The following OSBPL8 variants were observed in gnomAD, a reference collection of about 807,000 sequenced individuals.
OSBPL8 encodes the protein oxysterol binding protein like 8, also known as oxysterol-binding protein-related protein 8.
OSBPL8 carries 59 observed loss-of-function variants against 125.5 expected under a neutral mutation model. That is an observed-to-expected ratio of 0.47 (90% CI 0.38 to 0.58). OSBPL8 has a LOEUF of 0.58. OSBPL8 is among the 20% of genes least tolerant of loss of function. OSBPL8 has a pLI of 0.00. For synonymous variants in OSBPL8, 330 were observed against 338.9 expected, an observed-to-expected ratio of 0.97 and a Z score of 0.29; for missense variants, 758 against 1,047.8, an observed-to-expected ratio of 0.72 and a Z score of 3.82.
chr12:76,392,104 T>C (rs1454753274), intron 10 of OSBPL8, among the ~76,000 whole-genome samples: 1 of 151,382 alleles, frequency 6.6e-6, no homozygotes, highest in African/African-American at 2.4e-5. Context: ...TACAGTTCCA[T>C]TCCAAACAGA....
At chr12:76,504,529 G>A (rs1423178998) in intron 1 of OSBPL8, among the ~76,000 whole-genome samples, 1 of 152,100 alleles carries the variant, frequency 6.6e-6, no homozygotes, top group Non-Finnish European at 1.5e-5. Context: ...TTCTTCTGAT[G>A]GTGAAACTGG....
At chr12:76,361,361 G>A (rs1952197842) in intron 21 of OSBPL8, among the ~76,000 whole-genome samples, 1 of 152,100 alleles carries the variant, frequency 6.6e-6, no homozygotes, top group Non-Finnish European at 1.5e-5. Flanking sequence ...CCTCAGCCTG[G>A]ACCTTGTTTT....
At chr12:76,366,532 T>C (rs1952422546) in intron 21 of OSBPL8, 2 of 414,888 alleles carry the variant, frequency 4.8e-6, no homozygotes, top group Non-Finnish European at 9.4e-6. Flanking sequence ...TCCTACTCTC[T>C]ATTTTGTTTA....
At chr12:76,550,172 A>G (rs1950896699) in intron 1 of OSBPL8, among the ~76,000 whole-genome samples, 2 of 152,204 alleles carry the variant, frequency 1.3e-5, no homozygotes, top group African/African-American at 4.8e-5. Context: ...AGACACTAAG[A>G]AAAACAGGAA....
chr12:76,492,894 T>C (rs1878870616), intron 1 of OSBPL8, among the ~76,000 whole-genome samples: 1 of 151,940 alleles, frequency 6.6e-6, no homozygotes, highest in Non-Finnish European at 1.5e-5. Context: ...AACCAGTCCC[T>C]GATACTATAG....
chr12:76,399,562 T>C (rs1953962501), intron 7 of OSBPL8, among the ~76,000 whole-genome samples: 1 of 152,182 alleles, frequency 6.6e-6, no homozygotes, highest in Non-Finnish European at 1.5e-5. Flanking sequence ...TTAACAATAA[T>C]TGGAATAGCA....
chr12:76,391,791 G>GA (rs1036909574), intron 10 of OSBPL8, among the ~76,000 whole-genome samples: 13 of 144,658 alleles, frequency 9.0e-5, no homozygotes, highest in Middle Eastern at 3.5e-3. Context: ...AATACAGACA[G>GA]AAAAAAAAAA....
At chr12:76,428,802 C>T (rs1377987879) in intron 4 of OSBPL8, among the ~76,000 whole-genome samples, 2 of 152,124 alleles carry the variant, frequency 1.3e-5, no homozygotes, top group Non-Finnish European at 2.9e-5. Context: ...ATAGTTGACA[C>T]ATTAGAGCAG....
intron 2 of OSBPL8, among the ~76,000 whole-genome samples, chr12:76,465,491 C>T (rs1032789402): frequency 6.6e-6 from 1 of 151,740 alleles, no homozygotes; most frequent in Non-Finnish European, 1.5e-5. Context: ...ACCCGGGAGG[C>T]GGAGCTTACA....
chr12:76,448,846 C>T (rs1873034932), intron 4 of OSBPL8, among the ~76,000 whole-genome samples: 1 of 152,128 alleles, frequency 6.6e-6, no homozygotes, highest in Non-Finnish European at 1.5e-5. Flanking sequence ...AATCCCGTCT[C>T]TACTAAAAAC....
chr12:76,405,324 T>C (rs1354162808), intron 5 of OSBPL8, among the ~76,000 whole-genome samples: 6 of 152,078 alleles, frequency 3.9e-5, no homozygotes, highest in Admixed American at 1.3e-4. Flanking sequence ...CTGGGCATAG[T>C]GGTGTGTCCC....
intron 1 of OSBPL8, among the ~76,000 whole-genome samples, chr12:76,529,989 T>C (rs1262411778): frequency 6.6e-6 from 1 of 152,192 alleles, no homozygotes; most frequent in Non-Finnish European, 1.5e-5. Context: ...TTGCTCATTC[T>C]GCACCATCCA....
chr12:76,366,292 T>C (rs1273260026), intron 21 of OSBPL8, among the ~76,000 whole-genome samples: 1 of 152,178 alleles, frequency 6.6e-6, no homozygotes, highest in Non-Finnish European at 1.5e-5. Context: ...TCTTTTTGAG[T>C]CAGTTTATGT....
intron 4 of OSBPL8, among the ~76,000 whole-genome samples, chr12:76,439,266 C>G (rs1871883482): frequency 6.6e-6 from 1 of 152,096 alleles, no homozygotes; most frequent in African/African-American, 2.4e-5. Context: ...ATAATCCCAG[C>G]TACTCAGGAG....
chr12:76,372,318 G>A (rs1396224033), intron 18 of OSBPL8, among the ~76,000 whole-genome samples: 1 of 152,020 alleles, frequency 6.6e-6, no homozygotes, highest in Non-Finnish European at 1.5e-5. Context: ...CAATCTTCCT[G>A]CCTTAGCTTC....
intron 21 of OSBPL8, among the ~76,000 whole-genome samples, chr12:76,365,548 T>G (rs1228584885): frequency 6.6e-6 from 1 of 152,198 alleles, no homozygotes; most frequent in African/African-American, 2.4e-5. Flanking sequence ...TAATGTCACC[T>G]GTTAATTAGA....
At chr12:76,555,290 T>C (rs1327532264) in intron 1 of OSBPL8, among the ~76,000 whole-genome samples, 1 of 152,204 alleles carries the variant, frequency 6.6e-6, no homozygotes, top group Non-Finnish European at 1.5e-5. Context: ...CAGCTACACA[T>C]ATCCCTTACT....
At chr12:76,416,583 C>T (rs1592642095) in intron 4 of OSBPL8, among the ~76,000 whole-genome samples, 1 of 151,986 alleles carries the variant, frequency 6.6e-6, no homozygotes, top group East Asian at 1.9e-4. Context: ...ATAATGTACT[C>T]ATGCTTTTTG....
chr12:76,421,915 C>A (rs1367470916), intron 4 of OSBPL8, among the ~76,000 whole-genome samples: 1 of 151,828 alleles, frequency 6.6e-6, no homozygotes, highest in Non-Finnish European at 1.5e-5. Context: ...CATAAATTTT[C>A]ATGATAAAAA....
Sources: allele counts gnomAD v4.1 joint callset (sites outside exome capture counted in the v4.1 genomes callset), GRCh38; gene constraint gnomAD v4.1.1; transcripts MANE v1.5; gene names NCBI Gene and HGNC (gene_info 2026-07-23, HGNC 2026-07-21).